The following ROBO2 variants were observed in gnomAD, a reference collection of about 807,000 sequenced individuals.
ROBO2 encodes roundabout guidance receptor 2.
ROBO2 carries 53 observed loss-of-function variants against 160.8 expected under a neutral mutation model. That is an observed-to-expected ratio of 0.33 (90% CI 0.26 to 0.41). ROBO2 has a LOEUF of 0.41. Among genes scored for constraint, ROBO2 ranks in the 10% least tolerant of loss-of-function variants. ROBO2 has a pLI of 1.00. For missense variants in ROBO2, 1,577 were observed against 1,722.4 expected, an observed-to-expected ratio of 0.92 and a Z score of 1.49; for synonymous variants, 664 against 611.7, an observed-to-expected ratio of 1.09 and a Z score of -1.26.
chr3:76,385,144 A>G (rs540388297), intron 2 of ROBO2, among the ~76,000 whole-genome samples: 1 of 152,012 alleles, frequency 6.6e-6, no homozygotes, highest in East Asian at 1.9e-4. Flanking sequence ...ACAGGCATGC[A>G]CCACCATGTC....
chr3:76,035,414 C>G (rs1296671956), intron 2 of ROBO2, among the ~76,000 whole-genome samples: 1 of 132,882 alleles, frequency 7.5e-6, no homozygotes, highest in Non-Finnish European at 1.5e-5. Flanking sequence ...ATGTATGATT[C>G]TCTGTTTGTT....
chr3:76,924,449 A>G (rs943349064), intron 2 of ROBO2, among the ~76,000 whole-genome samples: 1 of 152,240 alleles, frequency 6.6e-6, no homozygotes, highest in Non-Finnish European at 1.5e-5. Context: ...CTCCACAGAC[A>G]AGGAATCTGC....
At chr3:76,912,353 A>T (rs1200744838) in intron 2 of ROBO2, among the ~76,000 whole-genome samples, 6 of 152,152 alleles carry the variant, frequency 3.9e-5, no homozygotes, top group Admixed American at 3.9e-4. Flanking sequence ...AATTATATTT[A>T]TTTGCTTTCT....
rs926712321 is a variant in ROBO2 at position 76,157,302 on chromosome 3, C to CT, written c.109+219709dup. ...ATACTGTATTTTTGTCTATAGAGAGCTTTTTTTTTGGGGTGGGGGCACCTA... is the reference window on the plus strand; with the variant it reads ...ATACTGTATTTTTGTCTATAGAGAGCTTTTTTTTTTGGGGTGGGGGCACCTA... On this transcript the variant is annotated intron_variant, in intron 2 of 26. Transcript: ENST00000487694. Among the ~76,000 whole-genome samples the CT allele has an allele frequency of 7.3e-5, 11 of 151,052 alleles. 1 individual carries two copies. The highest frequency in any genetic ancestry group is 2.1e-4 in the South Asian group (1 of 4,768).
chr3:76,411,035 G>C (rs2075459125), intron 2 of ROBO2, among the ~76,000 whole-genome samples: 1 of 151,808 alleles, frequency 6.6e-6, no homozygotes, highest in Admixed American at 6.6e-5. Flanking sequence ...TTTAATGATA[G>C]GTTATCATGA....
chr3:76,525,424 A>G (rs1423856570), intron 2 of ROBO2, among the ~76,000 whole-genome samples: 1 of 151,968 alleles, frequency 6.6e-6, no homozygotes, highest in African/African-American at 2.4e-5. Context: ...TTTAATGAAT[A>G]GCTCTTTAAA....
intron 2 of ROBO2, among the ~76,000 whole-genome samples, chr3:76,861,251 G>A (rs72898178): frequency 1.6e-4 from 25 of 152,246 alleles, no homozygotes; most frequent in African/African-American, 6.0e-4. Flanking sequence ...TTTAACTTCT[G>A]TGCCTATTTC....
chr3:77,479,092 A>G (rs888089889), intron 3 of ROBO2, among the ~76,000 whole-genome samples: 1 of 152,172 alleles, frequency 6.6e-6, no homozygotes, highest in Non-Finnish European at 1.5e-5. Context: ...TTTTAGAGGA[A>G]GATTAAATGA....
chr3:76,037,261 T>G (rs1340348223), intron 2 of ROBO2, among the ~76,000 whole-genome samples: 1 of 88,348 alleles, frequency 1.1e-5, no homozygotes, highest in East Asian at 2.2e-4. Flanking sequence ...TTCTTTTTTC[T>G]TTTTTTTTTT....
chr3:76,155,102 G>C (rs949255259), intron 2 of ROBO2, among the ~76,000 whole-genome samples: 1 of 152,114 alleles, frequency 6.6e-6, no homozygotes. Context: ...CCGAAGAAGT[G>C]TCCCTTTGTA....
At position 76,245,394 on chromosome 3, in the gene ROBO2, C is replaced by CT. The variant is rs552431064; in HGVS notation, c.109+307793dup. Reference sequence around the variant, plus strand: ...TCATTGAATGAATGGATGGATGAATCTAACTACCTAATTGTGACAGATAAT... The same window carrying CT: ...TCATTGAATGAATGGATGGATGAATCTTAACTACCTAATTGTGACAGATAAT... On this transcript the variant is annotated intron_variant, in intron 2 of 26. Coordinates refer to the ROBO2 transcript ENST00000487694. Among the ~76,000 whole-genome samples the CT allele has an allele frequency of 3.6e-3, 547 of 152,228 alleles. 3 individuals carry two copies. Among genetic ancestry groups the CT allele is most frequent in the African/African-American group, 0.012 (516 of 41,524 alleles).
At chr3:76,619,659 T>A (rs1470529781) in intron 2 of ROBO2, among the ~76,000 whole-genome samples, 2 of 152,214 alleles carry the variant, frequency 1.3e-5, no homozygotes, top group East Asian at 3.9e-4. Flanking sequence ...ATTATCATTA[T>A]GTATTAGCAC....
At chr3:76,385,279 A>G (rs562628988) in intron 2 of ROBO2, among the ~76,000 whole-genome samples, 10 of 152,316 alleles carry the variant, frequency 6.6e-5, no homozygotes, top group Non-Finnish European at 1.3e-4. Context: ...GGCATGAACC[A>G]TCACGCCCAG....
At chr3:76,444,124 C>T (rs988453151) in intron 2 of ROBO2, among the ~76,000 whole-genome samples, 1 of 152,062 alleles carries the variant, frequency 6.6e-6, no homozygotes, top group East Asian at 1.9e-4. Flanking sequence ...CGCCACCACG[C>T]CCGGCTAATT....
intron 2 of ROBO2, among the ~76,000 whole-genome samples, chr3:76,223,140 G>A (rs1024796495): frequency 6.6e-6 from 1 of 151,482 alleles, no homozygotes; most frequent in African/African-American, 2.4e-5. Context: ...TTCTTTTGGA[G>A]TATATTAATG....
At chr3:76,437,226 T>G (rs2076722294) in intron 2 of ROBO2, among the ~76,000 whole-genome samples, 1 of 152,150 alleles carries the variant, frequency 6.6e-6, no homozygotes, top group African/African-American at 2.4e-5. Flanking sequence ...AATTTGGTAT[T>G]TTAAGGAAAA....
At chr3:76,315,365 A>G (rs181076328) in intron 2 of ROBO2, among the ~76,000 whole-genome samples, 64 of 152,322 alleles carry the variant, frequency 4.2e-4, no homozygotes, top group African/African-American at 1.5e-3. Context: ...TCTAATATAT[A>G]TCTTTGCTAA....
chr3:77,437,499 CAATT>C (rs907189292), intron 2 of ROBO2, among the ~76,000 whole-genome samples: 3 of 151,758 alleles, frequency 2.0e-5, no homozygotes, highest in Non-Finnish European at 4.4e-5. Context: ...TATTAATTAA[CAATT>C]TATTTTTATG....
chr3:75,966,408 C>A (rs1359681343), intron 2 of ROBO2, among the ~76,000 whole-genome samples: 1 of 151,610 alleles, frequency 6.6e-6, no homozygotes, highest in Non-Finnish European at 1.5e-5. Context: ...GTTTTTAGAT[C>A]AACAGTTTTC....
Sources: allele counts gnomAD v4.1 joint callset (sites outside exome capture counted in the v4.1 genomes callset), GRCh38; gene constraint gnomAD v4.1.1; transcripts MANE v1.5; gene names NCBI Gene and HGNC (gene_info 2026-07-23, HGNC 2026-07-21).